Variants in ABCB9 observed in about 807,000 individuals in gnomAD.
ABCB9 encodes ABC-type oligopeptide transporter ABCB9.
A neutral mutation model predicts 62.0 loss-of-function variants in ABCB9; 36 were observed. That is an observed-to-expected ratio of 0.58 (90% CI 0.45 to 0.77). ABCB9 has a LOEUF of 0.77. Among genes scored for constraint, ABCB9 ranks in the 30% least tolerant of loss-of-function variants. ABCB9 has a pLI of 0.00. For synonymous variants in ABCB9, 435 were observed against 461.4 expected, an observed-to-expected ratio of 0.94 and a Z score of 0.73; for missense variants, 943 against 1,054.7, an observed-to-expected ratio of 0.89 and a Z score of 1.47.
In ABCB9 at chr12:122,944,647, G is replaced by T; in HGVS notation, c.1252-128C>A. On this transcript the variant is annotated intron_variant, in intron 6 of 11. Transcript: ENST00000280560. The surrounding 1 kb of genome is among the most constrained non-coding windows in gnomAD (Gnocchi z 4.9). ...CCAGCCACAAACTGAAATGCCGGCC[G>T]TTGGCAGGGGTGTCTTCCAAGGCTT... The T allele has an allele frequency of 7.5e-7, 1 of 1,326,704 alleles. No homozygotes were observed. The highest frequency in any genetic ancestry group is 2.5e-5 in the East Asian group (1 of 40,238). The allele number at this position is 1,326,704 out of a possible 1,614,324, so 82.2% of individuals were successfully genotyped here. A position where few individuals can be genotyped will look rare whatever the true frequency, so the allele number is the denominator to read the frequency against.
chr12:122,970,110 C>T (rs1019563518), upstream of ABCB9, among the ~76,000 whole-genome samples: 2 of 152,200 alleles, frequency 1.3e-5, no homozygotes, highest in African/African-American at 4.8e-5. Context: ...GATGGAGTCT[C>T]ACTCTGTCTC....
intron 1 of ABCB9, among the ~76,000 whole-genome samples, chr12:122,961,095 G>T (rs1049081596): frequency 4.6e-5 from 7 of 151,618 alleles, no homozygotes; most frequent in African/African-American, 1.5e-4. Flanking sequence ...TAAAAAAAGA[G>T]ATAAGGGTTG....
intron 1 of ABCB9, among the ~76,000 whole-genome samples, chr12:122,963,240 G>A (rs75496089): frequency 1.3e-5 from 2 of 152,202 alleles, no homozygotes; most frequent in Non-Finnish European, 2.9e-5. Flanking sequence ...GGAGGTTGCG[G>A]TGAGCCGAGA....
At chr12:122,955,715 G>GT (rs1345508865) in intron 2 of ABCB9, among the ~76,000 whole-genome samples, 6,553 of 141,758 alleles carry the variant, frequency 0.046, 433 homozygotes, top group African/African-American at 0.15. Flanking sequence ...TTGTTTTTTT[G>GT]TTTTTTTTTT....
At chr12:122,921,046 A>C (rs1164015028) in intron 11 of ABCB9, 1 of 1,535,392 alleles carries the variant, frequency 6.5e-7, no homozygotes, top group Admixed American at 2.0e-5. Flanking sequence ...ATTCAGATCT[A>C]AGAAGATAAT....
rs746569353 is a variant in ABCB9, at chr12:122,930,215, C to A, written c.2041-44G>T. ...CCTGGCTTGCATGGCACGGACGCCC[C>A]ACCCGCAACCGTGCTTCATGCCACG... On this transcript the variant is annotated intron_variant, in intron 11 of 11. Transcript: ENST00000280560. The surrounding 1 kb of genome is among the most constrained non-coding windows in gnomAD (Gnocchi z 4.9). 6.7e-7 allele frequency: 1 copy of A among 1,496,056 alleles called. No individual in the cohort carries two copies. The highest frequency in any genetic ancestry group is 1.3e-5 in the South Asian group (1 of 78,220). The allele number at this position is 1,496,056 out of a possible 1,614,324, so 92.7% of individuals were successfully genotyped here.
intron 1 of ABCB9, among the ~76,000 whole-genome samples, chr12:122,963,036 G>A (rs1046924609): frequency 2.0e-5 from 3 of 152,188 alleles, no homozygotes; most frequent in African/African-American, 7.2e-5. Context: ...GCTCACACCT[G>A]TAATCCCATC....
chr12:122,952,185 T>C (rs2036399584), intron 2 of ABCB9: 1 of 152,336 alleles, frequency 6.6e-6, no homozygotes, highest in Admixed American at 6.5e-5. Flanking sequence ...TCAGTTTCTA[T>C]GGTTTCTAAA....
rs1011133941 is a variant in ABCB9, at chr12:122,964,519, C to T, written c.-88+1768G>A. Reference sequence around the variant, plus strand: ...TAGTCCTTCTACCACAGACTCCTAGCAGAGTGGACTCCAGCCCCGGGTCGG... The same window carrying T: ...TAGTCCTTCTACCACAGACTCCTAGTAGAGTGGACTCCAGCCCCGGGTCGG... On this transcript the variant is annotated intron_variant, in intron 1 of 11. Transcript: ENST00000280560. The surrounding 1 kb of genome is among the most constrained non-coding windows in gnomAD (Gnocchi z 4.7). 1.3e-5 allele frequency among the ~76,000 whole-genome samples: 2 copies of T among 152,230 alleles called. No individual in the cohort carries two copies. The highest frequency in any genetic ancestry group is 4.8e-5 in the African/African-American group (2 of 41,454).
At chr12:122,962,752 A>T (rs2036974575) in intron 1 of ABCB9, among the ~76,000 whole-genome samples, 2 of 152,182 alleles carry the variant, frequency 1.3e-5, no homozygotes, top group Admixed American at 1.3e-4. Context: ...ACTTCCTGTG[A>T]GCCCTGCCCT....
chr12:122,921,987 G>T (rs1401660179), intron 11 of ABCB9, among the ~76,000 whole-genome samples: 1 of 152,158 alleles, frequency 6.6e-6, no homozygotes, highest in Non-Finnish European at 1.5e-5. Flanking sequence ...CCCTGTTTCA[G>T]GCTGGGCTCA....
upstream of ABCB9, among the ~76,000 whole-genome samples, chr12:122,971,284 G>A (rs1459441764): frequency 1.3e-5 from 2 of 151,408 alleles, no homozygotes; most frequent in Non-Finnish European, 2.9e-5. Context: ...CTACTCAGGA[G>A]GCTGAGGCAG....
chr12:122,922,787 T>G (rs2034781582), intron 11 of ABCB9, among the ~76,000 whole-genome samples: 1 of 151,976 alleles, frequency 6.6e-6, no homozygotes, highest in African/African-American at 2.4e-5. Context: ...TTCCAATCTA[T>G]TATTATTATT....
chr12:122,950,026 A>G (rs559514238), intron 3 of ABCB9, 108 bp from the exon 4 acceptor site: 2 of 1,461,662 alleles, frequency 1.4e-6, no homozygotes, highest in Admixed American at 1.7e-5. Context: ...CCGCAGCCCC[A>G]CTCCAGGGCT....
chr12:122,930,413 T>G lies in ABCB9; in HGVS notation c.2041-242A>C, dbSNP rs149131807. 1.7e-5 allele frequency among the ~76,000 whole-genome samples: 2 copies of G among 115,144 alleles called. No homozygotes were observed. Among genetic ancestry groups the G allele is most frequent in the African/African-American group, 4.6e-5 (1 of 21,536 alleles). The allele number at this position is 115,144 out of a possible 152,430, so 75.5% of individuals were successfully genotyped here. A position where few individuals can be genotyped will look rare whatever the true frequency, so the allele number is the denominator to read the frequency against. ...CTTCTGGTCCTTCCCTTCCCCCTCC[T>G]TTTTTTTTTTTTTTTTTTTTAAGTC... is the stretch of plus-strand genomic sequence containing the variant. On this transcript the variant is annotated intron_variant, in intron 11 of 11. Coordinates refer to ENST00000280560, the MANE Select transcript of ABCB9 (RefSeq NM_019625.4). The surrounding 1 kb of genome is among the most constrained non-coding windows in gnomAD (Gnocchi z 4.9).
At chr12:122,966,916 C>T (rs2135937691), upstream of ABCB9, among the ~76,000 whole-genome samples, 1 of 152,388 alleles carries the variant, frequency 6.6e-6, no homozygotes, top group South Asian at 2.1e-4. Flanking sequence ...AGATATTTAT[C>T]CAGTGCCTAC....
downstream of ABCB9, chr12:122,924,488 C>T (rs2034833982): frequency 5.5e-6 from 4 of 722,172 alleles, no homozygotes; most frequent in Non-Finnish European, 7.4e-6. Context: ...CCTAAGCCTC[C>T]CGAGTAGCTG....
intron 2 of ABCB9, among the ~76,000 whole-genome samples, chr12:122,958,203 A>G (rs1205239066): frequency 2.0e-5 from 3 of 150,560 alleles, no homozygotes; most frequent in Non-Finnish European, 4.4e-5. Flanking sequence ...TCATGTTAAG[A>G]GGAAAAGGCT....
At position 122,944,727 on chromosome 12, in the gene ABCB9, A is replaced by G. The variant is rs1021181904; in HGVS notation, c.1252-208T>C. On this transcript the variant is annotated intron_variant, in intron 6 of 11. Coordinates refer to ENST00000280560, the MANE Select transcript of ABCB9 (RefSeq NM_019625.4). The surrounding 1 kb of genome is among the most constrained non-coding windows in gnomAD (Gnocchi z 4.9). Reference sequence around the variant, plus strand: ...TTTCCCTACAGAGGCCTCCAGCTGGAGCAGGCTGTGGGCTTGGCCACAGAA... The same window carrying G: ...TTTCCCTACAGAGGCCTCCAGCTGGGGCAGGCTGTGGGCTTGGCCACAGAA... 6 of 601,100 alleles carry G rather than the reference A, an allele frequency of 1.0e-5. No individual in the cohort carries two copies. In the Admixed American group the frequency reaches 1.3e-4, roughly 13 times the overall value. The allele number at this position is 601,100 out of a possible 1,614,324, so 37.2% of individuals were successfully genotyped here.
Sources: gnomAD v4.1 joint callset for allele counts (sites outside exome capture counted in the v4.1 genomes callset) on GRCh38, gnomAD v4.1.1 for gene constraint, Gnocchi (gnomAD v3.1) non-coding constraint, MANE v1.5 for transcripts, NCBI Gene and HGNC (gene_info 2026-07-23, HGNC 2026-07-21) for gene names.